PTPN11: variants seen among roughly 807,000 people sequenced by gnomAD.
The protein encoded by PTPN11 is tyrosine-protein phosphatase non-receptor type 11.
PTPN11 carries 6 observed loss-of-function variants against 78.8 expected under a neutral mutation model. That is an observed-to-expected ratio of 0.08 (90% CI 0.04 to 0.15). The LOEUF is 0.15. Among genes scored for constraint, PTPN11 ranks in the 10% least tolerant of loss-of-function variants. The pLI, the probability that PTPN11 is intolerant of heterozygous loss-of-function variation, is 1.00. For synonymous variants in PTPN11, 221 were observed against 263.5 expected (o/e 0.84, Z 1.56); for missense variants, 386 against 744.8 (o/e 0.52, Z 5.61).
At chr12:112,441,933 C>A (rs946063826) in intron 1 of PTPN11, among the ~76,000 whole-genome samples, 3 of 152,184 alleles carry the variant, frequency 2.0e-5, no homozygotes, top group Non-Finnish European at 4.4e-5. Context: ...CATGCCACCA[C>A]GCCTGGCTAA....
chr12:112,437,332 A>AT (rs544577028), intron 1 of PTPN11, among the ~76,000 whole-genome samples: 33 of 146,802 alleles, frequency 2.2e-4, no homozygotes, highest in Admixed American at 6.1e-4. Context: ...TAATTTTTGT[A>AT]TTTTTTTTTT....
chr12:112,483,824 A>G (rs910336610), intron 10 of PTPN11, among the ~76,000 whole-genome samples: 1 of 152,154 alleles, frequency 6.6e-6, no homozygotes, highest in African/African-American at 2.4e-5. Context: ...GGTGGTGTGC[A>G]GGGTGACTGG....
chr12:112,499,079 A>G (rs1201209792), intron 13 of PTPN11, among the ~76,000 whole-genome samples: 1 of 152,144 alleles, frequency 6.6e-6, no homozygotes, highest in Non-Finnish European at 1.5e-5. Context: ...CAATGGGTAT[A>G]GAGTTTCAGT....
intron 1 of PTPN11, among the ~76,000 whole-genome samples, chr12:112,420,499 A>G (rs542642817): frequency 6.6e-6 from 1 of 152,040 alleles, no homozygotes; most frequent in Admixed American, 6.5e-5. Context: ...GCGCACCACT[A>G]TGCCCGGCTA....
intron 1 of PTPN11, among the ~76,000 whole-genome samples, chr12:112,433,685 T>C (rs1164422677): frequency 6.6e-6 from 1 of 152,256 alleles, no homozygotes; most frequent in Non-Finnish European, 1.5e-5. Context: ...GCGCAGTGGC[T>C]CATGCCTATA....
At chr12:112,476,284 T>TAAA (rs1412741632) in intron 7 of PTPN11, among the ~76,000 whole-genome samples, 1 of 152,180 alleles carries the variant, frequency 6.6e-6, no homozygotes, top group African/African-American at 2.4e-5. Flanking sequence ...CTCATTTCCT[T>TAAA]AAAGATGAGG....
At chr12:112,472,098 A>G (rs1400337783) in intron 6 of PTPN11, among the ~76,000 whole-genome samples, 5 of 152,152 alleles carry the variant, frequency 3.3e-5, no homozygotes, top group African/African-American at 1.2e-4. Context: ...TGCTAGGATT[A>G]TAGGCGTGAG....
intron 3 of PTPN11, among the ~76,000 whole-genome samples, chr12:112,451,214 C>G (rs1485032508): frequency 2.0e-5 from 3 of 152,104 alleles, no homozygotes; most frequent in Non-Finnish European, 2.9e-5. Context: ...TCAGCTTATA[C>G]CTTTATGTCA....
intron 6 of PTPN11, among the ~76,000 whole-genome samples, chr12:112,465,216 G>A (rs1425624365): frequency 6.6e-6 from 1 of 152,090 alleles, no homozygotes; most frequent in East Asian, 1.9e-4. Context: ...TGGATTACCT[G>A]AGGTTAGGAG....
Position 112,508,421 on chromosome 12 carries a change from A to C in PTPN11, c.*2629A>C, listed in dbSNP as rs141655134. Reference sequence around the variant, plus strand: ...AGCTCGAGGTGAAGTTTTAAAAAAAAAGTTGTGGAAAGGAAAGTTCCAAAG... The same window carrying C: ...AGCTCGAGGTGAAGTTTTAAAAAAACAGTTGTGGAAAGGAAAGTTCCAAAG... On this transcript the variant is annotated 3_prime_UTR_variant, in exon 16 of 16. Transcript: ENST00000351677. 2 of 152,282 alleles carry C rather than the reference A, an allele frequency of 1.3e-5. No homozygotes were observed. The highest frequency in any genetic ancestry group is 4.8e-5 in the African/African-American group (2 of 41,440). The allele number at this position is 152,282 out of a possible 1,614,324, so 9.4% of individuals were successfully genotyped here.
rs142510351 is a variant in PTPN11 at position 112,498,152 on chromosome 12, C to CA, written c.1600-3982dup. On this transcript the variant is annotated intron_variant, in intron 13 of 15. Transcript: ENST00000351677. ...TGGGTGACAGAGTGAGACTTCGTGT[C>CA]AAAAAAAAAACAAAAAACCCCTCAT... 0.061 allele frequency among the ~76,000 whole-genome samples: 8,719 copies of CA among 142,710 alleles called. 1,267 individuals carry two copies. The East Asian group carries it at 0.62, about 10-fold the overall frequency. 93.6% of individuals were successfully genotyped at this position (142,710 alleles called of 152,430 possible).
intron 1 of PTPN11, among the ~76,000 whole-genome samples, chr12:112,429,712 G>T (rs2037680514): frequency 1.3e-5 from 2 of 151,090 alleles, no homozygotes; most frequent in South Asian, 4.2e-4. Flanking sequence ...GCTGAAGCAG[G>T]AGAATCGCTT....
intron 13 of PTPN11, among the ~76,000 whole-genome samples, chr12:112,492,057 CT>C (rs1445682772): frequency 2.0e-5 from 3 of 152,174 alleles, no homozygotes; most frequent in Non-Finnish European, 2.9e-5. Context: ...CTCAGTCATT[CT>C]TTATTTTTCA....
At position 112,504,919 on chromosome 12, in the gene PTPN11, C is replaced by T; in HGVS notation, c.*32+123C>T. 2 of 646,030 alleles carry T rather than the reference C, an allele frequency of 3.1e-6. No homozygotes were observed. The highest frequency in any genetic ancestry group is 5.5e-6 in the Non-Finnish European group (2 of 361,096). The allele number at this position is 646,030 out of a possible 1,614,324, so 40.0% of individuals were successfully genotyped here. ...ATAATTGAGTTTTACAAACCAGGCT[C>T]CTTTTTCCTCTCCCTGTACTTCTTT... On this transcript the variant is annotated intron_variant, in intron 15 of 15. Transcript: ENST00000351677. The surrounding 1 kb of genome is among the most constrained non-coding windows in gnomAD (Gnocchi z 4.7).
At chr12:112,425,557 C>G (rs933300450) in intron 1 of PTPN11, among the ~76,000 whole-genome samples, 2 of 152,098 alleles carry the variant, frequency 1.3e-5, no homozygotes, top group African/African-American at 4.8e-5. Context: ...AGACTTTATA[C>G]ATTTAAAGGT....
At chr12:112,440,793 C>T (rs1359468720) in intron 1 of PTPN11, among the ~76,000 whole-genome samples, 1 of 150,568 alleles carries the variant, frequency 6.6e-6, no homozygotes, top group African/African-American at 2.4e-5. Context: ...AGGCTGGCCT[C>T]AAACTCCTGA....
chr12:112,447,511 T>A (rs1289370790), intron 2 of PTPN11, among the ~76,000 whole-genome samples: 1 of 152,140 alleles, frequency 6.6e-6, no homozygotes. Flanking sequence ...TCTATTTTTT[T>A]TTTTTGAGAT....
chr12:112,441,192 G>A (rs1267428539), intron 1 of PTPN11, among the ~76,000 whole-genome samples: 2 of 151,498 alleles, frequency 1.3e-5, no homozygotes, highest in Non-Finnish European at 2.9e-5. Flanking sequence ...TTAAGCTCCC[G>A]ACCTCAGGTG....
rs2038951916 is a variant in PTPN11 at position 112,507,685 on chromosome 12, A to C, written c.*1893A>C. 6.6e-6 allele frequency: 1 copy of C among 152,626 alleles called. No individual in the cohort carries two copies. Among genetic ancestry groups the C allele is most frequent in the Non-Finnish European group, 1.5e-5 (1 of 68,036 alleles). 9.5% of individuals were successfully genotyped at this position (152,626 alleles called of 1,614,324 possible). On this transcript the variant is annotated 3_prime_UTR_variant, in exon 16 of 16. Coordinates refer to ENST00000351677, the MANE Select transcript of PTPN11 (RefSeq NM_002834.5). ...TGCCATGAAGTTGTGGCCTCCTTGG[A>C]TTCTTCTGACTTTGGCTTCTGAAAG... is the stretch of plus-strand genomic sequence containing the variant.
Sources: allele counts gnomAD v4.1 joint callset (sites outside exome capture counted in the v4.1 genomes callset), GRCh38; gene constraint gnomAD v4.1.1; non-coding constraint Gnocchi (gnomAD v3.1); transcripts MANE v1.5; gene names NCBI Gene and HGNC (gene_info 2026-07-23, HGNC 2026-07-21).